The following ADAM18 variants were observed in gnomAD, a reference collection of about 807,000 sequenced individuals.
ADAM18 encodes ADAM metallopeptidase domain 18, also known as disintegrin and metalloproteinase domain-containing protein 18.
Under a neutral mutation model 94.4 loss-of-function variants are expected in ADAM18, and 117 were observed. The observed-to-expected ratio is 1.24, with a 90% CI of 1.07 to 1.45. The LOEUF is 1.45. ADAM18 is among the 40% of genes most tolerant of loss of function. The pLI, the probability that ADAM18 is intolerant of heterozygous loss-of-function variation, is 0.00. For synonymous variants in ADAM18, 327 were observed against 291.6 expected, an observed-to-expected ratio of 1.12 and a Z score of -1.24; for missense variants, 936 against 880.0, an observed-to-expected ratio of 1.06 and a Z score of -0.81.
At chr8:39,719,469 TA>T (rs1822684591) in intron 18 of ADAM18, among the ~76,000 whole-genome samples, 1 of 151,158 alleles carries the variant, frequency 6.6e-6, no homozygotes, top group African/African-American at 2.4e-5. Context: ...TTGGACAACA[TA>T]AAAAAATTAG....
At chr8:39,604,476 G>A (rs925457106) in intron 2 of ADAM18, among the ~76,000 whole-genome samples, 1 of 152,130 alleles carries the variant, frequency 6.6e-6, no homozygotes, top group Non-Finnish European at 1.5e-5. Flanking sequence ...AGTGTTGGAG[G>A]TGAGGTCTGG....
chr8:39,663,291 A>G (rs972493870), intron 12 of ADAM18, among the ~76,000 whole-genome samples: 22 of 151,992 alleles, frequency 1.4e-4, no homozygotes, highest in African/African-American at 4.8e-4. Context: ...TGGCTATTCT[A>G]GAAATAGTAA....
intron 12 of ADAM18, among the ~76,000 whole-genome samples, chr8:39,649,012 A>G (rs1338397510): frequency 6.6e-6 from 1 of 152,166 alleles, no homozygotes; most frequent in Admixed American, 6.6e-5. Flanking sequence ...TTTAAAATAT[A>G]TGTATATACC....
At chr8:39,708,871 G>A (rs1216381010) in intron 18 of ADAM18, among the ~76,000 whole-genome samples, 1 of 152,228 alleles carries the variant, frequency 6.6e-6, no homozygotes, top group Non-Finnish European at 1.5e-5. Context: ...TTTGAGCATT[G>A]GCAGGAGCAA....
At chr8:39,656,209 AT>A (rs1251680432) in intron 12 of ADAM18, among the ~76,000 whole-genome samples, 6 of 152,216 alleles carry the variant, frequency 3.9e-5, no homozygotes, top group African/African-American at 1.4e-4. Context: ...AAAAAAACAA[AT>A]TTGGTCCACT....
intron 6 of ADAM18, among the ~76,000 whole-genome samples, chr8:39,626,206 T>C (rs2129578936): frequency 6.6e-6 from 1 of 152,314 alleles, no homozygotes; most frequent in Admixed American, 6.5e-5. Context: ...TGCATAGAAG[T>C]GTTCATAGTA....
chr8:39,618,232 A>G (rs937588815), intron 6 of ADAM18, among the ~76,000 whole-genome samples: 1 of 152,192 alleles, frequency 6.6e-6, no homozygotes, highest in Non-Finnish European at 1.5e-5. Flanking sequence ...GACACACACA[A>G]GCTAGTGAAA....
At chr8:39,726,323 T>G (rs1822910808) in intron 19 of ADAM18, among the ~76,000 whole-genome samples, 1 of 151,582 alleles carries the variant, frequency 6.6e-6, no homozygotes. Flanking sequence ...AGACAGTGTC[T>G]CCGTATGTTG....
intron 16 of ADAM18, among the ~76,000 whole-genome samples, chr8:39,688,599 T>G (rs1356056081): frequency 2.6e-5 from 4 of 152,236 alleles, no homozygotes; most frequent in Non-Finnish European, 4.4e-5. Context: ...TTCCATAGTG[T>G]ATATGTAGCA....
At chr8:39,617,129 T>C (rs1017775022) in intron 6 of ADAM18, among the ~76,000 whole-genome samples, 2 of 151,664 alleles carry the variant, frequency 1.3e-5, no homozygotes, top group Admixed American at 1.3e-4. Context: ...CCAGCAAATG[T>C]CTAATATCTA....
intron 18 of ADAM18, among the ~76,000 whole-genome samples, chr8:39,720,117 T>C (rs181999103): frequency 6.6e-6 from 1 of 151,176 alleles, no homozygotes; most frequent in Admixed American, 6.6e-5. Flanking sequence ...TGGAATACTA[T>C]CAAATAATAA....
intron 18 of ADAM18, among the ~76,000 whole-genome samples, chr8:39,713,671 C>G (rs1264753612): frequency 1.3e-5 from 2 of 152,074 alleles, no homozygotes; most frequent in East Asian, 1.9e-4. Flanking sequence ...ATTTATGCAG[C>G]CAAAAAACAC....
rs1016323856 is a variant in ADAM18, at chr8:39,665,415, A to G, written c.1326+1525A>G. Among the ~76,000 whole-genome samples, 55 of 152,202 alleles carry G rather than the reference A, an allele frequency of 3.6e-4. 2 individuals carry two copies. Among genetic ancestry groups the G allele is most frequent in the Non-Finnish European group, 2.9e-5 (2 of 68,030 alleles). On this transcript the variant is annotated intron_variant, in intron 13 of 19. Transcript: ENST00000265707. ...TATGGCTACTTTAATATTCATAAGC[A>G]TATTTGTGCATGAACATAGTGTTTC...
intron 16 of ADAM18, among the ~76,000 whole-genome samples, chr8:39,687,430 C>T (rs1821637014): frequency 6.6e-6 from 1 of 152,264 alleles, no homozygotes; most frequent in Non-Finnish European, 1.5e-5. Flanking sequence ...ATCTCCCTTC[C>T]TCTTACATAC....
In ADAM18 at chr8:39,701,117, C is replaced by CAAAAAAAAAAAAAAA. The variant is rs71237188; in HGVS notation, c.1903-5655_1903-5641dup. Among the ~76,000 whole-genome samples, 112 of 34,560 alleles carry CAAAAAAAAAAAAAAA rather than the reference C, an allele frequency of 3.2e-3. 11 individuals are homozygous for CAAAAAAAAAAAAAAA. The highest frequency in any genetic ancestry group is 4.1e-3 in the Non-Finnish European group (81 of 19,834). The allele number at this position is 34,560 out of a possible 152,430, so 22.7% of individuals were successfully genotyped here. A position where few individuals can be genotyped will look rare whatever the true frequency, so the allele number is the denominator to read the frequency against. On this transcript the variant is annotated intron_variant, in intron 17 of 19. Transcript: ENST00000265707. ...TGGGCGACAGAGCAAGACTCTGTCT[C>CAAAAAAAAAAAAAAA]AAAAAAAAAAAAAAAAAAAAAAAAA...
At chr8:39,700,325 G>A (rs965761600) in intron 17 of ADAM18, among the ~76,000 whole-genome samples, 3 of 152,102 alleles carry the variant, frequency 2.0e-5, no homozygotes, top group Admixed American at 6.5e-5. Context: ...GCTTACTTAT[G>A]TAAGCAGTTT....
chr8:39,675,246 C>A (rs1002551584), intron 14 of ADAM18, among the ~76,000 whole-genome samples: 1 of 152,222 alleles, frequency 6.6e-6, no homozygotes, highest in Non-Finnish European at 1.5e-5. Flanking sequence ...CTCCCCATCA[C>A]TTTCAGGCAC....
chr8:39,588,469 T>G (rs1283721184), intron 2 of ADAM18, among the ~76,000 whole-genome samples: 1 of 152,208 alleles, frequency 6.6e-6, no homozygotes, highest in Non-Finnish European at 1.5e-5. Context: ...TTTGACATTT[T>G]GGATATTAGC....
intron 12 of ADAM18, among the ~76,000 whole-genome samples, chr8:39,663,526 C>T (rs747819629): frequency 5.3e-5 from 7 of 132,060 alleles, no homozygotes; most frequent in Admixed American, 8.6e-5. Context: ...TTGGATCTCA[C>T]TGGTTGAGGC....
Sources: allele counts gnomAD v4.1 joint callset (sites outside exome capture counted in the v4.1 genomes callset), GRCh38; gene constraint gnomAD v4.1.1; transcripts MANE v1.5; gene names NCBI Gene and HGNC (gene_info 2026-07-23, HGNC 2026-07-21).